LHFPL2: variants seen among roughly 807,000 people sequenced by gnomAD.
LHFPL2 encodes LHFPL tetraspan subfamily member 2, also known as LHFPL tetraspan subfamily member 2 protein.
A neutral mutation model predicts 17.5 loss-of-function variants in LHFPL2; 7 were observed. That is an observed-to-expected ratio of 0.40 (90% CI 0.23 to 0.75). The LOEUF is 0.75. Ranked by LOEUF, LHFPL2 falls within the 30% of genes least tolerant of loss-of-function variation. The pLI is 0.37. For synonymous variants in LHFPL2, 134 were observed against 116.2 expected (o/e 1.15, Z -0.99); for missense variants, 241 against 294.8 (o/e 0.82, Z 1.34).
Position 78,509,898 on chromosome 5 carries a change from C to T in LHFPL2, c.316G>A (p.Val106Met). The T allele has an allele frequency of 2.5e-6, 4 of 1,613,652 alleles. No individual in the cohort carries two copies. In the African/African-American group the frequency reaches 5.3e-5, roughly 21 times the overall value. ...FWQATAIFLA[V>M]GIFILCMVAL... Reference sequence around the variant, plus strand: ...ACCATGCAGAGAATAAAGATTCCCACAGCCAGGAAAATAGCTGTGGCCTGC... The same window carrying T: ...ACCATGCAGAGAATAAAGATTCCCATAGCCAGGAAAATAGCTGTGGCCTGC... Residue 106 changes from valine (V) to methionine (M), a missense_variant, in exon 4 of 5, where the codon GTG becomes ATG. By Grantham distance (21) the Val-to-Met change is conservative. Transcript: ENST00000380345.
At chr5:78,610,640 G>A (rs1282748017) in intron 2 of LHFPL2, among the ~76,000 whole-genome samples, 1 of 152,122 alleles carries the variant, frequency 6.6e-6, no homozygotes, top group Non-Finnish European at 1.5e-5. Flanking sequence ...CAAACTCCAG[G>A]GAAAAGTGTG....
chr5:78,500,494 G>C (rs2362833), intron 4 of LHFPL2, among the ~76,000 whole-genome samples: 9,816 of 152,104 alleles, frequency 0.065, 537 homozygotes, highest in African/African-American at 0.15. Flanking sequence ...CCGAGGGTTG[G>C]GGGGAGGCAA....
At chr5:78,511,211 C>G (rs898460216) in intron 3 of LHFPL2, among the ~76,000 whole-genome samples, 1 of 152,152 alleles carries the variant, frequency 6.6e-6, no homozygotes, top group Non-Finnish European at 1.5e-5. Context: ...GACTTGTTGA[C>G]AACAGAACCT....
At position 78,489,043 on chromosome 5, in the gene LHFPL2, A is replaced by C; in HGVS notation, c.541T>G (p.Leu181Val). ...ASAYKPGDCS[L>V]GWAFYTAIGG... is the part of the protein sequence containing the mutation. Reference sequence around the variant, plus strand: ...ATGGCGGTATAAAAGGCCCAGCCCAAGGAGCAGTCTCCAGGTTTGTAGGCA... The same window carrying C: ...ATGGCGGTATAAAAGGCCCAGCCCACGGAGCAGTCTCCAGGTTTGTAGGCA... The change falls in exon 5 of 5, where the codon TTG (leucine) becomes GTG (valine). Residue 181 changes from leucine to valine, a missense_variant. Transcript: ENST00000380345. 6.2e-7 allele frequency: 1 copy of C among 1,614,266 alleles called. No homozygotes were observed. Among genetic ancestry groups the C allele is most frequent in the Non-Finnish European group, 8.5e-7 (1 of 1,180,046 alleles).
chr5:78,601,096 T>C (rs978637159), intron 2 of LHFPL2, among the ~76,000 whole-genome samples: 5 of 151,926 alleles, frequency 3.3e-5, no homozygotes, highest in Admixed American at 2.0e-4. Flanking sequence ...GTCCAAAAGA[T>C]CAAGTAACAA....
At chr5:78,538,336 A>T (rs1431293008) in intron 3 of LHFPL2, among the ~76,000 whole-genome samples, 1 of 128,978 alleles carries the variant, frequency 7.8e-6, no homozygotes, top group Non-Finnish European at 1.9e-5. Context: ...GGCTCATTAA[A>T]CATTTTTTTA....
chr5:78,536,297 C>A (rs903749469), intron 3 of LHFPL2, among the ~76,000 whole-genome samples: 2 of 152,084 alleles, frequency 1.3e-5, no homozygotes, highest in Non-Finnish European at 2.9e-5. Flanking sequence ...GTCGGCCGGG[C>A]GCCCAGAAAA....
At chr5:78,620,967 T>C (rs942231046) in intron 2 of LHFPL2, among the ~76,000 whole-genome samples, 1 of 133,444 alleles carries the variant, frequency 7.5e-6, no homozygotes, top group African/African-American at 2.8e-5. Context: ...ATTCTCAAAC[T>C]CCTTTTTTTT....
intron 1 of LHFPL2, chr5:78,644,484 CA>C: frequency 1.6e-6 from 1 of 615,410 alleles, no homozygotes; most frequent in Non-Finnish European, 2.9e-6. Context: ...TACAACTCAC[CA>C]ATGGTAGGCC....
intron 2 of LHFPL2, among the ~76,000 whole-genome samples, chr5:78,574,360 C>T (rs985954001): frequency 6.6e-6 from 1 of 152,222 alleles, no homozygotes; most frequent in Non-Finnish European, 1.5e-5. Flanking sequence ...CTTCCATGCC[C>T]TCTAACCCTT....
At chr5:78,570,405 T>C (rs1561735) in intron 2 of LHFPL2, among the ~76,000 whole-genome samples, 72,750 of 151,698 alleles carry the variant, frequency 0.48, 17,935 homozygotes, top group African/African-American at 0.59. Context: ...GTAGCAGTGA[T>C]GCTGTCCAAG....
chr5:78,494,528 T>G, intron 4 of LHFPL2: 3 of 985,374 alleles, frequency 3.0e-6, no homozygotes, highest in Non-Finnish European at 3.6e-6. Flanking sequence ...TGATTCAACC[T>G]TATCTGTAGA....
intron 3 of LHFPL2, among the ~76,000 whole-genome samples, chr5:78,516,749 G>C (rs1755304132): frequency 6.6e-6 from 1 of 152,206 alleles, no homozygotes; most frequent in South Asian, 2.1e-4. Context: ...GGATGTCCAA[G>C]ATGACAGGAT....
chr5:78,622,241 C>G (rs1367155644), intron 2 of LHFPL2, among the ~76,000 whole-genome samples: 2 of 152,146 alleles, frequency 1.3e-5, no homozygotes, highest in Non-Finnish European at 2.9e-5. Flanking sequence ...CATCAGCTAC[C>G]TAAACGCTCT....
chr5:78,648,698 CGCGGGG>C lies in LHFPL2; in HGVS notation c.-555_-550del, dbSNP rs1193568336. 1.3e-5 allele frequency: 2 copies of C among 151,368 alleles called. No homozygotes were observed. The highest frequency in any genetic ancestry group is 2.9e-5 in the Non-Finnish European group (2 of 68,036). The allele number at this position is 151,368 out of a possible 1,614,324, so 9.4% of individuals were successfully genotyped here. A position where few individuals can be genotyped will look rare whatever the true frequency, so the allele number is the denominator to read the frequency against. ...GCAAGGGAGGGGAGAGGGTCCGCGG[CGCGGGG>C]GAGGAGGCAGCGAGGCGAGAGAGCG... On this transcript the variant is annotated 5_prime_UTR_variant, in exon 1 of 5. Coordinates refer to ENST00000380345, the MANE Select transcript of LHFPL2 (RefSeq NM_005779.3). This position sits in a 1 kb window ranked among gnomAD's most constrained non-coding sequence, Gnocchi z 5.4.
chr5:78,582,658 T>C (rs545781462), intron 2 of LHFPL2, among the ~76,000 whole-genome samples: 29 of 152,356 alleles, frequency 1.9e-4, no homozygotes, highest in African/African-American at 7.0e-4. Context: ...AGACAGTTTG[T>C]TATAATTCCT....
intron 3 of LHFPL2, among the ~76,000 whole-genome samples, chr5:78,517,991 T>C (rs2362837): frequency 0.41 from 63,069 of 152,106 alleles, 13,539 homozygotes; most frequent in African/African-American, 0.51. Context: ...AGGGGCTGAA[T>C]AAACCAACCT....
intron 2 of LHFPL2, among the ~76,000 whole-genome samples, chr5:78,570,649 C>A (rs556003797): frequency 2.8e-5 from 4 of 143,608 alleles, no homozygotes; most frequent in Non-Finnish European, 6.0e-5. Flanking sequence ...TATATATATA[C>A]GTATATATAT....
intron 2 of LHFPL2, among the ~76,000 whole-genome samples, chr5:78,584,995 G>GTTTTTTTT (rs1163195083): frequency 4.9e-5 from 2 of 40,504 alleles, no homozygotes; most frequent in African/African-American, 1.6e-4. Context: ...GGTGCGCTGT[G>GTTTTTTTT]TTTTTTTTTT....
Sources: allele counts gnomAD v4.1 joint callset (sites outside exome capture counted in the v4.1 genomes callset), GRCh38; gene constraint gnomAD v4.1.1; non-coding constraint Gnocchi (gnomAD v3.1); transcripts MANE v1.5; gene names NCBI Gene and HGNC (gene_info 2026-07-23, HGNC 2026-07-21).